Variants in ADD1 observed in about 807,000 individuals in gnomAD.
ADD1 encodes the protein alpha-adducin.
Under a neutral mutation model 80.5 loss-of-function variants are expected in ADD1, and 24 were observed. The ratio of observed to expected loss-of-function variants is 0.30; its 90% CI spans 0.22 to 0.42. The LOEUF (loss-of-function observed/expected upper bound fraction) is 0.42, where lower values mean the gene tolerates loss of function less well. Ranked by LOEUF, ADD1 falls within the 10% of genes least tolerant of loss-of-function variation. The pLI, the probability that ADD1 is intolerant of heterozygous loss-of-function variation, is 1.00. For synonymous variants in ADD1, 373 were observed against 393.8 expected (o/e 0.95, Z 0.63); for missense variants, 948 against 1,019.0 (o/e 0.93, Z 0.95).
intron 9 of ADD1, among the ~76,000 whole-genome samples, chr4:2,904,422 A>C (rs1736695673): frequency 6.6e-6 from 1 of 152,214 alleles, no homozygotes; most frequent in African/African-American, 2.4e-5. Context: ...TCTTTCACTC[A>C]GCGTTGCCTT....
chr4:2,925,863 T>A, intron 14 of ADD1, 151 bp from the exon 15 acceptor site: 1 of 614,732 alleles, frequency 1.6e-6, no homozygotes. Flanking sequence ...GCTTCCTTTA[T>A]CCTCTCTTGG....
chr4:2,878,610 C>T (rs1479184596), intron 2 of ADD1, among the ~76,000 whole-genome samples: 1 of 152,098 alleles, frequency 6.6e-6, no homozygotes, highest in Admixed American at 6.6e-5. Flanking sequence ...AAAGTTCCTG[C>T]CCACAGGTTG....
chr4:2,856,324 C>T (rs144881257), intron 1 of ADD1, among the ~76,000 whole-genome samples: 190 of 152,210 alleles, frequency 1.2e-3, no homozygotes, highest in African/African-American at 4.0e-3. Flanking sequence ...TGGCAGTAGT[C>T]GGTTTGTTAT....
chr4:2,914,975 C>T lies in ADD1; in HGVS notation c.1883C>T (p.Thr628Ile). The change falls in exon 14 of 16, where the codon ACA (threonine) becomes ATA (isoleucine). Residue 628 changes from threonine (T) to isoleucine (I), a missense_variant. Transcript: ENST00000683351. ...VSTTGPNPFTTLTDRELEEYR... is the reference protein window; with the variant it reads ...VSTTGPNPFTILTDRELEEYR... The stretch of plus-strand genomic sequence containing the variant: ...ACCACGGGCCCCAACCCCTTCACCA[C>T]ACTCACAGACCGTGAGCTGGAGGAG... 1 of 1,614,164 alleles carries T rather than the reference C, an allele frequency of 6.2e-7. No homozygotes were observed. The highest frequency in any genetic ancestry group is 8.5e-7 in the Non-Finnish European group (1 of 1,180,002).
intron 2 of ADD1, 128 bp from the exon 3 acceptor site, chr4:2,881,770 G>A (rs1048163098): frequency 1.6e-5 from 10 of 625,570 alleles, no homozygotes; most frequent in Non-Finnish European, 2.7e-5. Flanking sequence ...AGTAATGTGT[G>A]AGAATATCCG....
intron 1 of ADD1, among the ~76,000 whole-genome samples, chr4:2,852,142 C>CT (rs1219502542): frequency 6.9e-5 from 5 of 72,190 alleles, no homozygotes; most frequent in South Asian, 9.8e-4. Flanking sequence ...GGCCTCTTTT[C>CT]TTTCTTTCTT....
At chr4:2,924,128 C>G in intron 14 of ADD1, among the ~76,000 whole-genome samples, 1 of 152,240 alleles carries the variant, frequency 6.6e-6, no homozygotes, top group Non-Finnish European at 1.5e-5. Flanking sequence ...CTGTACTTCT[C>G]TTGGTAGCCC....
chr4:2,922,261 G>A lies in ADD1; in HGVS notation c.1949-3753G>A, dbSNP rs559750675. Among the ~76,000 whole-genome samples, 49 of 151,884 alleles carry A rather than the reference G, an allele frequency of 3.2e-4. No individual in the cohort carries two copies. The South Asian group carries it at 4.4e-3, about 13-fold the overall frequency. On this transcript the variant is annotated intron_variant, in intron 14 of 15. Coordinates refer to ENST00000683351, the MANE Select transcript of ADD1 (RefSeq NM_001354761.2). ...AGCCTTTTTGCACTGGTTTTTCCTC[G>A]TCTTTGTGGATTTATCTACGTTTGG...
chr4:2,869,998 A>T (rs1464962998), intron 1 of ADD1, among the ~76,000 whole-genome samples: 6 of 152,174 alleles, frequency 3.9e-5, no homozygotes, highest in Non-Finnish European at 5.9e-5. Context: ...TCTAGCAGGC[A>T]TTTTACACGG....
At chr4:2,913,933 C>T (rs544539846) in intron 13 of ADD1, among the ~76,000 whole-genome samples, 1 of 152,122 alleles carries the variant, frequency 6.6e-6, no homozygotes, top group East Asian at 1.9e-4. Flanking sequence ...GTGGCGGGCG[C>T]CTGTAGTCCC....
Position 2,876,168 on chromosome 4 carries a change from G to T in ADD1, c.195+58G>T, listed in dbSNP as rs970086440. ...TCATCTTTCCTTTTCTAATACTTCA[G>T]GTCTTATGCCCTGTTGTATGAGTGG... On this transcript the variant is annotated intron_variant, in intron 2 of 15. Coordinates refer to ENST00000683351, the MANE Select transcript of ADD1 (RefSeq NM_001354761.2). 65 of 1,527,488 alleles carry T rather than the reference G, an allele frequency of 4.3e-5. No homozygotes were observed. The African/African-American group carries it at 8.5e-4, about 20-fold the overall frequency. The allele number at this position is 1,527,488 out of a possible 1,614,324, so 94.6% of individuals were successfully genotyped here. A position where few individuals can be genotyped will look rare whatever the true frequency, so the allele number is the denominator to read the frequency against.
chr4:2,894,982 C>G (rs1014361792), intron 6 of ADD1, among the ~76,000 whole-genome samples: 2 of 151,828 alleles, frequency 1.3e-5, no homozygotes, highest in African/African-American at 2.4e-5. Context: ...AACAATTGGC[C>G]GGGCATGGTG....
intron 9 of ADD1, chr4:2,902,019 T>A (rs1184551854): frequency 3.3e-5 from 5 of 151,970 alleles, no homozygotes; most frequent in Non-Finnish European, 5.9e-5. Flanking sequence ...CCTCCCAAAG[T>A]GCTAGGATTA....
At position 2,843,874 on chromosome 4, in the gene ADD1, T is replaced by A. The variant is rs1725752686; in HGVS notation, c.-171T>A. On this transcript the variant is annotated 5_prime_UTR_variant, in exon 1 of 16. Coordinates refer to ENST00000683351, the MANE Select transcript of ADD1 (RefSeq NM_001354761.2). ...CGCAGGCCGCACCCAGGTCGGGCGG[T>A]GGGGGCGAGCGGAGGGGCTGAGGGG... The A allele has an allele frequency of 6.6e-6, 1 of 151,438 alleles. No homozygotes were observed. Among genetic ancestry groups the A allele is most frequent in the Non-Finnish European group, 1.5e-5 (1 of 67,946 alleles). The allele number at this position is 151,438 out of a possible 1,614,324, so 9.4% of individuals were successfully genotyped here.
intron 14 of ADD1, among the ~76,000 whole-genome samples, chr4:2,919,911 ATTC>A (rs1739715741): frequency 6.6e-6 from 1 of 151,888 alleles, no homozygotes; most frequent in Admixed American, 6.6e-5. Context: ...TTCTTCTCTA[ATTC>A]TTTTAATTAT....
At chr4:2,924,919 T>C (rs989019900) in intron 14 of ADD1, among the ~76,000 whole-genome samples, 1 of 152,122 alleles carries the variant, frequency 6.6e-6, no homozygotes, top group African/African-American at 2.4e-5. Context: ...GGGATCTGAG[T>C]AACCTGGATT....
At chr4:2,852,236 T>TTTCCTTTCTTTCCTTTCC (rs1378111303) in intron 1 of ADD1, among the ~76,000 whole-genome samples, 1 of 143,858 alleles carries the variant, frequency 7.0e-6, no homozygotes, top group Non-Finnish European at 1.5e-5. Context: ...CTTTCCTTTC[T>TTTCCTTTCTTTCCTTTCC]TTCTTTCTTT....
rs2341305 is a variant in ADD1, at chr4:2,852,262, C to T, written c.-21+8238C>T. Among the ~76,000 whole-genome samples the T allele has an allele frequency of 8.9e-3, 694 of 77,996 alleles. 4 individuals are homozygous for T. The highest frequency in any genetic ancestry group is 0.019 in the Middle Eastern group (2 of 106). 51.2% of individuals were successfully genotyped at this position (77,996 alleles called of 152,430 possible). On this transcript the variant is annotated intron_variant, in intron 1 of 15. Coordinates refer to ENST00000683351, the MANE Select transcript of ADD1 (RefSeq NM_001354761.2). ...TTCTTTCTTTCTCTTTCTTTCTTTC[C>T]TTCCTTCCTTCCTTCCTTCTTTTCT... is the stretch of plus-strand genomic sequence containing the variant.
intron 3 of ADD1, among the ~76,000 whole-genome samples, chr4:2,882,601 A>G (rs1232194967): frequency 6.6e-6 from 1 of 152,228 alleles, no homozygotes; most frequent in East Asian, 1.9e-4. Context: ...ACCTTGGATT[A>G]GTCTCTGATG....
Sources: allele counts gnomAD v4.1 joint callset (sites outside exome capture counted in the v4.1 genomes callset), GRCh38; gene constraint gnomAD v4.1.1; transcripts MANE v1.5; gene names NCBI Gene and HGNC (gene_info 2026-07-23, HGNC 2026-07-21).